The following BST1 variants were observed in gnomAD, a reference collection of about 807,000 sequenced individuals.
BST1 encodes ADP-ribosyl cyclase/cyclic ADP-ribose hydrolase 2.
Under a neutral mutation model 40.6 loss-of-function variants are expected in BST1, and 49 were observed. The observed-to-expected ratio is 1.21, with a 90% CI of 0.96 to 1.53. The LOEUF (loss-of-function observed/expected upper bound fraction) is 1.53. Among genes scored for constraint, BST1 ranks in the 40% most tolerant of loss-of-function variants. The pLI is 0.00. For missense variants in BST1, 423 were observed against 395.9 expected (o/e 1.07, Z -0.58); for synonymous variants, 157 against 159.3 (o/e 0.99, Z 0.11).
chr4:15,718,757 C>A, intron 6 of BST1, 150 bp from the exon 7 acceptor site: 1 of 627,956 alleles, frequency 1.6e-6, no homozygotes, highest in Non-Finnish European at 2.6e-6. Context: ...CCGGAAGCAG[C>A]CCTTTTTAAA....
downstream of BST1, among the ~76,000 whole-genome samples, chr4:15,739,459 T>A (rs1211537813): frequency 6.6e-6 from 1 of 152,166 alleles, no homozygotes; most frequent in Non-Finnish European, 1.5e-5. Context: ...ACTTCTTTTA[T>A]CATGTAGCTA....
chr4:15,758,634 T>C, the BST1 span, among the ~76,000 whole-genome samples: 1 of 152,232 alleles, frequency 6.6e-6, no homozygotes, highest in Non-Finnish European at 1.5e-5. Flanking sequence ...CACTATGCAA[T>C]AGATTTCAAA....
chr4:15,703,539 C>T lies in BST1; in HGVS notation c.188+207C>T, dbSNP rs115890946. Among the ~76,000 whole-genome samples, 368 of 143,942 alleles carry T rather than the reference C, an allele frequency of 2.6e-3. 1 individual carries two copies. Among genetic ancestry groups the T allele is most frequent in the African/African-American group, 8.8e-3 (341 of 38,600 alleles). The allele number at this position is 143,942 out of a possible 152,430, so 94.4% of individuals were successfully genotyped here. ...GAAGTGTGTCTGCAGGTGAGGGGTG[C>T]GCTGTGCGGGGTCTAGAGATGAGTG... On this transcript the variant is annotated intron_variant, in intron 1 of 8. Transcript: ENST00000265016.
At chr4:15,753,617 T>G in the BST1 span, among the ~76,000 whole-genome samples, 3 of 152,124 alleles carry the variant, frequency 2.0e-5, no homozygotes, top group Non-Finnish European at 4.4e-5. Context: ...TCTCAAAGTG[T>G]GGCCCAGCCA....
chr4:15,755,093 C>T, the BST1 span, among the ~76,000 whole-genome samples: 11 of 152,240 alleles, frequency 7.2e-5, no homozygotes, highest in South Asian at 6.2e-4. Flanking sequence ...TAACCCACCC[C>T]GTTAGGAACA....
chr4:15,758,834 T>A, the BST1 span, among the ~76,000 whole-genome samples: 2 of 150,290 alleles, frequency 1.3e-5, no homozygotes, highest in African/African-American at 2.5e-5. Context: ...ATGTATAAAG[T>A]ATTTGGCGTC....
At chr4:15,707,049 C>T (rs1023764783) in intron 2 of BST1, among the ~76,000 whole-genome samples, 1 of 152,190 alleles carries the variant, frequency 6.6e-6, no homozygotes, top group African/African-American at 2.4e-5. Context: ...AGGCACTTGA[C>T]ACTTTAGGAA....
intron 3 of BST1, among the ~76,000 whole-genome samples, chr4:15,707,886 T>TAC (rs386399353): frequency 6.7e-6 from 1 of 148,298 alleles, no homozygotes; most frequent in Non-Finnish European, 1.5e-5. Context: ...CACATATATA[T>TAC]ACACATATAT....
chr4:15,720,393 C>T (rs910531867), intron 7 of BST1, among the ~76,000 whole-genome samples: 24 of 151,810 alleles, frequency 1.6e-4, no homozygotes, highest in Middle Eastern at 3.2e-3. Context: ...CCGAGGCGGG[C>T]GGATAACAAG....
downstream of BST1, among the ~76,000 whole-genome samples, chr4:15,740,669 CAA>C (rs1560292932): frequency 1.3e-5 from 2 of 151,974 alleles, no homozygotes; most frequent in South Asian, 2.1e-4. Flanking sequence ...TAAATTATAA[CAA>C]ATATTTGACA....
At chr4:15,748,897 A>G in the BST1 span, among the ~76,000 whole-genome samples, 4 of 152,278 alleles carry the variant, frequency 2.6e-5, no homozygotes, top group South Asian at 2.1e-4. Flanking sequence ...TTCTTCCATC[A>G]TAGCTCACTT....
intron 8 of BST1, among the ~76,000 whole-genome samples, chr4:15,730,671 C>G (rs1476134198): frequency 2.0e-5 from 3 of 152,126 alleles, no homozygotes; most frequent in African/African-American, 7.2e-5. Context: ...AAGCTTTTTG[C>G]TCAGGAAAGA....
rs546647098 is a variant in BST1 at position 15,703,719 on chromosome 4, T to G, written c.188+387T>G. ...TGTGTGTGTGCTCTAGAGGTGGGGG[T>G]GTGTGTGTGTGTGTGTGCTCTAGAG... is the stretch of plus-strand genomic sequence containing the variant. On this transcript the variant is annotated intron_variant, in intron 1 of 8. Coordinates refer to ENST00000265016, the MANE Select transcript of BST1 (RefSeq NM_004334.3). Among the ~76,000 whole-genome samples the G allele has an allele frequency of 3.4e-3, 357 of 104,970 alleles. 12 individuals are homozygous for G. The highest frequency in any genetic ancestry group is 0.024 in the Admixed American group (252 of 10,424). The allele number at this position is 104,970 out of a possible 152,430, so 68.9% of individuals were successfully genotyped here.
chr4:15,713,221 T>TTC (rs1577575153), intron 4 of BST1, among the ~76,000 whole-genome samples: 1 of 147,060 alleles, frequency 6.8e-6, no homozygotes, highest in East Asian at 2.2e-4. Context: ...TTTTTTTTTT[T>TTC]TTTTTTGAGA....
chr4:15,750,863 C>A, the BST1 span, among the ~76,000 whole-genome samples: 1 of 152,038 alleles, frequency 6.6e-6, no homozygotes, highest in Non-Finnish European at 1.5e-5. Context: ...ATATATGGCT[C>A]ATATTATATT....
At chr4:15,756,819 G>A in the BST1 span, among the ~76,000 whole-genome samples, 1 of 152,114 alleles carries the variant, frequency 6.6e-6, no homozygotes, top group Non-Finnish European at 1.5e-5. Context: ...TCATTTGTTG[G>A]GGCTCAGGAT....
chr4:15,743,357 G>A, the BST1 span: 26 of 339,626 alleles, frequency 7.7e-5, no homozygotes, highest in African/African-American at 3.3e-4. Context: ...TCATGACTTC[G>A]GTGGATGAGA....
rs1377688411 is a variant in BST1 at position 15,703,243 on chromosome 4, G to A, written c.99G>A (p.Arg33=). Residue 33 remains arginine, a synonymous_variant, in exon 1 of 9, where the codon CGG becomes CGA. Coordinates refer to ENST00000265016, the MANE Select transcript of BST1 (RefSeq NM_004334.3). ...LLLAAGGARA[R]WRGEGTSAHL... is the part of the protein sequence containing the mutation. ...TGGCGGCGGGCGGGGCGCGCGCGCG[G>A]TGGCGCGGGGAGGGCACCAGCGCAC... The A allele has an allele frequency of 1.9e-6, 3 of 1,542,988 alleles. No individual in the cohort carries two copies. The highest frequency in any genetic ancestry group is 2.0e-5 in the Admixed American group (1 of 50,502).
chr4:15,734,354 A>G (rs754320853), downstream of BST1, among the ~76,000 whole-genome samples: 2 of 152,244 alleles, frequency 1.3e-5, no homozygotes, highest in East Asian at 3.8e-4. Context: ...TATGTAAACC[A>G]AAAAGAAATG....
Sources: gnomAD v4.1 joint callset for allele counts (sites outside exome capture counted in the v4.1 genomes callset) on GRCh38, gnomAD v4.1.1 for gene constraint, MANE v1.5 for transcripts, NCBI Gene and HGNC (gene_info 2026-07-23, HGNC 2026-07-21) for gene names.